SMYD3: variants seen among roughly 807,000 people sequenced by gnomAD.
SMYD3 encodes the protein SET and MYND domain containing 3, also known as histone-lysine N-methyltransferase SMYD3.
Under a neutral mutation model 57.7 loss-of-function variants are expected in SMYD3, and 36 were observed. The ratio of observed to expected loss-of-function variants is 0.62; its 90% confidence interval spans 0.48 to 0.82. SMYD3 has a LOEUF of 0.82. Ranked by LOEUF, SMYD3 falls within the 40% of genes least tolerant of loss-of-function variation. The pLI, the probability that SMYD3 is intolerant of heterozygous loss-of-function variation, is 0.00. For missense variants in SMYD3, 515 were observed against 538.8 expected, an observed-to-expected ratio of 0.96 and a Z score of 0.44; for synonymous variants, 211 against 195.0, an observed-to-expected ratio of 1.08 and a Z score of -0.68.
chr1:245,878,384 A>G (rs1207685985), intron 8 of SMYD3, among the ~76,000 whole-genome samples: 1 of 152,152 alleles, frequency 6.6e-6, no homozygotes, highest in African/African-American at 2.4e-5. Flanking sequence ...GAGGTCCACG[A>G]GGAGGCAGAG....
intron 5 of SMYD3, among the ~76,000 whole-genome samples, chr1:246,248,451 C>T (rs1361388402): frequency 1.3e-5 from 2 of 151,950 alleles, no homozygotes; most frequent in African/African-American, 4.8e-5. Context: ...GTAATTTGGG[C>T]AGGTCGTTTG....
chr1:246,207,669 C>T (rs1269129532), intron 5 of SMYD3, among the ~76,000 whole-genome samples: 2 of 152,072 alleles, frequency 1.3e-5, no homozygotes, highest in African/African-American at 4.8e-5. Flanking sequence ...AAAAGAAAAG[C>T]TCTGAAGTCT....
intron 8 of SMYD3, among the ~76,000 whole-genome samples, chr1:245,891,082 G>A (rs1039181319): frequency 3.9e-5 from 6 of 152,184 alleles, no homozygotes; most frequent in East Asian, 1.9e-4. Context: ...AAGGTAGTGG[G>A]CAAGGGAGGG....
chr1:246,108,268 C>T (rs2061166395), intron 5 of SMYD3, among the ~76,000 whole-genome samples: 1 of 152,092 alleles, frequency 6.6e-6, no homozygotes, highest in African/African-American at 2.4e-5. Context: ...TATCTCTGAC[C>T]TCAAGAAGTT....
chr1:245,909,485 C>T (rs1190015542), intron 8 of SMYD3, among the ~76,000 whole-genome samples: 1 of 151,956 alleles, frequency 6.6e-6, no homozygotes, highest in Non-Finnish European at 1.5e-5. Context: ...CCAGCATTAC[C>T]CTGATGCTAA....
At chr1:246,288,140 C>G (rs1449511401) in intron 5 of SMYD3, among the ~76,000 whole-genome samples, 2 of 128,318 alleles carry the variant, frequency 1.6e-5, no homozygotes, top group Non-Finnish European at 3.1e-5. Context: ...GTGGTGCAAT[C>G]TCAGCTCACT....
chr1:246,294,704 T>C (rs1165394385), intron 5 of SMYD3, among the ~76,000 whole-genome samples: 1 of 152,116 alleles, frequency 6.6e-6, no homozygotes, highest in Non-Finnish European at 1.5e-5. Flanking sequence ...GTTCACATGA[T>C]TCTCCTGCCT....
intron 5 of SMYD3, among the ~76,000 whole-genome samples, chr1:246,270,177 T>C (rs2064194662): frequency 6.6e-6 from 1 of 152,206 alleles, no homozygotes; most frequent in South Asian, 2.1e-4. Context: ...TTTAAAACTA[T>C]ATATAACATA....
chr1:245,831,478 C>CT (rs758732651), intron 10 of SMYD3, among the ~76,000 whole-genome samples: 2 of 152,258 alleles, frequency 1.3e-5, no homozygotes, highest in Non-Finnish European at 2.9e-5. Context: ...GCAGGGGCAA[C>CT]TGCCCTTACA....
intron 10 of SMYD3, among the ~76,000 whole-genome samples, chr1:245,808,872 C>T (rs537049809): frequency 2.2e-4 from 34 of 152,208 alleles, no homozygotes; most frequent in African/African-American, 7.5e-4. Flanking sequence ...AAGCGATTCT[C>T]GTGCCTCAGC....
intron 5 of SMYD3, among the ~76,000 whole-genome samples, chr1:246,006,291 T>G (rs12121282): frequency 0.11 from 8,837 of 79,572 alleles, 378 homozygotes; most frequent in African/African-American, 0.19. Flanking sequence ...TTGGAGGGAC[T>G]GGGATGTTGG....
At chr1:246,186,836 C>T in intron 5 of SMYD3, 3 of 985,512 alleles carry the variant, frequency 3.0e-6, no homozygotes, top group Non-Finnish European at 3.6e-6. Context: ...GCTTCCCAGT[C>T]TCACACTCTC....
intron 5 of SMYD3, among the ~76,000 whole-genome samples, chr1:246,125,961 T>A (rs749114319): frequency 6.6e-6 from 1 of 152,192 alleles, no homozygotes; most frequent in East Asian, 1.9e-4. Context: ...TTGAGGAATC[T>A]ATAAGATGTA....
chr1:246,247,265 A>C (rs1273510053), intron 5 of SMYD3, among the ~76,000 whole-genome samples: 1 of 148,838 alleles, frequency 6.7e-6, no homozygotes, highest in Non-Finnish European at 1.5e-5. Flanking sequence ...ACAGAAGAAA[A>C]TTCTGAGGTC....
chr1:245,937,780 CT>C (rs1332449897), intron 5 of SMYD3, among the ~76,000 whole-genome samples: 1 of 152,208 alleles, frequency 6.6e-6, no homozygotes, highest in Non-Finnish European at 1.5e-5. Context: ...AAAACATTCT[CT>C]TCTATGATAC....
chr1:246,097,614 A>T (rs748379112), intron 5 of SMYD3, among the ~76,000 whole-genome samples: 6 of 152,032 alleles, frequency 3.9e-5, no homozygotes, highest in Non-Finnish European at 5.9e-5. Flanking sequence ...TTTAATTTCC[A>T]ACCCCCACAA....
chr1:246,034,968 T>C (rs1388430464), intron 5 of SMYD3, among the ~76,000 whole-genome samples: 1 of 152,062 alleles, frequency 6.6e-6, no homozygotes, highest in Non-Finnish European at 1.5e-5. Context: ...CCTCCCCCAA[T>C]ATATGCAGAC....
At chr1:246,133,364 T>G (rs12060229) in intron 5 of SMYD3, among the ~76,000 whole-genome samples, 1 of 151,772 alleles carries the variant, frequency 6.6e-6, no homozygotes, top group East Asian at 1.9e-4. Flanking sequence ...CCCACCAAGT[T>G]GGGAAAGGAT....
chr1:246,485,612 C>CA (rs374835054), intron 1 of SMYD3, among the ~76,000 whole-genome samples: 4 of 151,612 alleles, frequency 2.6e-5, no homozygotes, highest in Admixed American at 6.6e-5. Flanking sequence ...TGAGACCCCC[C>CA]CCCACATCTC....
Sources: allele counts gnomAD v4.1 joint callset (sites outside exome capture counted in the v4.1 genomes callset), GRCh38; gene constraint gnomAD v4.1.1; transcripts MANE v1.5; gene names NCBI Gene and HGNC (gene_info 2026-07-23, HGNC 2026-07-21).